The following SLC12A9 variants were observed in gnomAD, a reference collection of about 807,000 sequenced individuals.
SLC12A9 encodes solute carrier family 12 member 9, also known as CCC-interacting protein 1.
SLC12A9 carries 55 observed loss-of-function variants against 66.0 expected under a neutral mutation model. The observed-to-expected ratio is 0.83, with a 90% CI of 0.67 to 1.04. The LOEUF is 1.04. Ranked by LOEUF, SLC12A9 falls within the 50% of genes least tolerant of loss-of-function variation. SLC12A9 has a pLI of 0.00. For synonymous variants in SLC12A9, 577 were observed against 569.0 expected, an observed-to-expected ratio of 1.01 and a Z score of -0.20; for missense variants, 1,061 against 1,241.9, an observed-to-expected ratio of 0.85 and a Z score of 2.19.
At position 100,866,566 on chromosome 7, in the gene SLC12A9, G is replaced by A. The variant is rs371274671; in HGVS notation, c.2706G>A (p.Leu902=). The change falls in exon 14 of 14, where the codon CTG becomes CTA. Residue 902 remains leucine (L), a synonymous_variant. Transcript: ENST00000354161. The surrounding 1 kb of genome is among the most constrained non-coding windows in gnomAD (Gnocchi z 7.3). ...CCCGAGACCTGGGCCCCACGCTGCT[G>A]GTTCATGGGGTCACTCCAGTCACCT... ...TLTRDLGPTL[L]VHGVTPVTCT... 4.3e-5 allele frequency: 68 copies of A among 1,588,534 alleles called. No homozygotes were observed. Among genetic ancestry groups the A allele is most frequent in the Non-Finnish European group, 5.6e-5 (65 of 1,168,728 alleles).
rs953787533 is a variant in SLC12A9 at position 100,826,964 on chromosome 7, C to G, written n.145C>G. ...AGGAGTGACGGGGTGCGCCCCCCCC[C>G]GCAAGGAAACTCACCTTCCAAAGCT... On this transcript the variant is annotated non_coding_transcript_exon_variant, in exon 1 of 2. Coordinates refer to the SLC12A9 transcript ENST00000461016. The G allele has an allele frequency of 1.0e-4, 150 of 1,441,854 alleles. No individual in the cohort carries two copies. The highest frequency in any genetic ancestry group is 3.6e-4 in the Middle Eastern group (2 of 5,580). The allele number at this position is 1,441,854 out of a possible 1,614,324, so 89.3% of individuals were successfully genotyped here. A position where few individuals can be genotyped will look rare whatever the true frequency, so the allele number is the denominator to read the frequency against.
chr7:100,858,866 C>A lies in SLC12A9; in HGVS notation c.789C>A (p.Ala263=), dbSNP rs140425277. 2.5e-6 allele frequency: 4 copies of A among 1,614,058 alleles called. No homozygotes were observed. In the African/African-American group the frequency reaches 4.0e-5, roughly 16 times the overall value. The change falls in exon 6 of 14, where the codon GCC becomes GCA. Residue 263 remains alanine (A), a synonymous_variant. Coordinates refer to ENST00000354161, the MANE Select transcript of SLC12A9 (RefSeq NM_020246.4). The stretch of plus-strand genomic sequence containing the variant: ...ATGCTGAGGACTACACCACGGGAGC[C>A]GTGATGAATTTTGCCAGCGTCTTTG... The part of the protein sequence containing the change: ...AGYAEDYTTG[A]VMNFASVFAV...
intron 1 of SLC12A9, among the ~76,000 whole-genome samples, chr7:100,837,149 C>A (rs1813677400): frequency 6.6e-6 from 1 of 152,248 alleles, no homozygotes; most frequent in East Asian, 1.9e-4. Flanking sequence ...CGCTATGTTG[C>A]CCAGGCTGGT....
intron 1 of SLC12A9, chr7:100,827,175 G>A: frequency 2.6e-6 from 2 of 761,808 alleles, no homozygotes; most frequent in Non-Finnish European, 3.7e-6. Context: ...GCGAGCGTGC[G>A]GGGCACCGGG....
intron 1 of SLC12A9, among the ~76,000 whole-genome samples, chr7:100,839,988 G>A (rs1275577165): frequency 1.3e-5 from 2 of 151,252 alleles, no homozygotes; most frequent in Non-Finnish European, 2.9e-5. Flanking sequence ...CTGCATTTAA[G>A]TGGAAGCGTG....
chr7:100,863,655 T>C (rs1283848191), intron 13 of SLC12A9, among the ~76,000 whole-genome samples: 4 of 152,228 alleles, frequency 2.6e-5, no homozygotes, highest in Non-Finnish European at 5.9e-5. Flanking sequence ...CCGGAGGCTG[T>C]GTGGGGCGGA....
chr7:100,864,548 C>T (rs548040175), intron 13 of SLC12A9, among the ~76,000 whole-genome samples: 49 of 71,808 alleles, frequency 6.8e-4, no homozygotes, highest in Middle Eastern at 9.3e-3. Flanking sequence ...AGCAATTATC[C>T]GATTCCACAA....
chr7:100,831,609 G>C (rs1813544737), intron 1 of SLC12A9, among the ~76,000 whole-genome samples: 1 of 152,162 alleles, frequency 6.6e-6, no homozygotes, highest in Non-Finnish European at 1.5e-5. Context: ...TGAGGAGCTG[G>C]GACCCCGCGC....
intron 1 of SLC12A9, among the ~76,000 whole-genome samples, chr7:100,842,484 C>T (rs914179737): frequency 1.3e-5 from 2 of 152,136 alleles, no homozygotes; most frequent in Non-Finnish European, 2.9e-5. Flanking sequence ...TCGATAAAGA[C>T]CCCAGTGCCA....
Position 100,866,216 on chromosome 7 carries a change from C to T in SLC12A9, c.2356C>T (p.Arg786Trp), listed in dbSNP as rs752537289. 8.2e-6 allele frequency: 13 copies of T among 1,583,276 alleles called. No homozygotes were observed. The highest frequency in any genetic ancestry group is 5.4e-5 in the African/African-American group (4 of 73,626). Reference sequence around the variant, plus strand: ...GCCTGGGGCGGCCGAGGGGCGGCTGCGGGCACTGCTGAGCCAACTGAGGAT... The same window carrying T: ...GCCTGGGGCGGCCGAGGGGCGGCTGTGGGCACTGCTGAGCCAACTGAGGAT... ...EAPGAAEGRL[R>W]ALLSQLRIRA... is the part of the protein sequence containing the mutation. Residue 786 changes from arginine (R) to tryptophan (W), a missense_variant, in exon 14 of 14, where the codon CGG (arginine) becomes TGG (tryptophan). Physicochemically the swap from Arg to Trp is moderately radical, Grantham distance 101. Coordinates refer to ENST00000354161, the MANE Select transcript of SLC12A9 (RefSeq NM_020246.4). The surrounding 1 kb of genome is among the most constrained non-coding windows in gnomAD (Gnocchi z 7.3).
chr7:100,857,165 A>G lies in SLC12A9; in HGVS notation c.746A>G (p.Asp249Gly), dbSNP rs111263123. Residue 249 changes from aspartate (D) to glycine (G), a missense_variant, in exon 5 of 14, where the codon GAC (aspartate) becomes GGC (glycine). Asp to Gly is a moderately conservative substitution (Grantham distance 94). Transcript: ENST00000354161. ...FTGFNSSTLK[D>G]NLGAGYAEDY... The stretch of plus-strand genomic sequence containing the variant: ...GGCTTCAACAGCAGTACCCTGAAGG[A>G]CAACTTGGGCGGTGAGCTGGGTGCT... 1 of 1,610,472 alleles carries G rather than the reference A, an allele frequency of 6.2e-7. No individual in the cohort carries two copies. The highest frequency in any genetic ancestry group is 8.5e-7 in the Non-Finnish European group (1 of 1,177,310).
intron 1 of SLC12A9, among the ~76,000 whole-genome samples, chr7:100,830,346 C>G (rs1165265165): frequency 6.6e-6 from 1 of 152,118 alleles, no homozygotes; most frequent in African/African-American, 2.4e-5. Context: ...GAGTGAAACT[C>G]TGTCTCAAAA....
At chr7:100,846,575 A>G (rs113843768) in intron 1 of SLC12A9, among the ~76,000 whole-genome samples, 1 of 152,152 alleles carries the variant, frequency 6.6e-6, no homozygotes, top group African/African-American at 2.4e-5. Flanking sequence ...TCAAAAAAAA[A>G]AAAAAGCTTC....
intron 1 of SLC12A9, among the ~76,000 whole-genome samples, chr7:100,835,626 G>T (rs1813639356): frequency 6.6e-6 from 1 of 151,894 alleles, no homozygotes; most frequent in African/African-American, 2.4e-5. Context: ...CTCCAGCCTG[G>T]GTGACAGAGC....
intron 1 of SLC12A9, among the ~76,000 whole-genome samples, chr7:100,830,878 T>C (rs573289709): frequency 6.6e-6 from 1 of 152,224 alleles, no homozygotes; most frequent in East Asian, 1.9e-4. Flanking sequence ...TGTGAAGTCA[T>C]GTCCTCCACC....
upstream of SLC12A9, among the ~76,000 whole-genome samples, chr7:100,850,230 CTTCA>C (rs1357738891): frequency 1.4e-5 from 2 of 141,760 alleles, no homozygotes; most frequent in African/African-American, 5.6e-5. Flanking sequence ...TCTTTCCTTC[CTTCA>C]TTCCTTCCTT....
rs1430772245 is a variant in SLC12A9 at position 100,854,287 on chromosome 7, A to C, written c.90A>C (p.Gly30=). 1 of 1,599,348 alleles carries C rather than the reference A, an allele frequency of 6.3e-7. No individual in the cohort carries two copies. Among genetic ancestry groups the C allele is most frequent in the African/African-American group, 1.4e-5 (1 of 73,708 alleles). Reference sequence around the variant, plus strand: ...CTGCCAATGGGGCCGGGGGTCCTGGAGGGGCGTCTGCCCGGAAGCTGTCCA... The same window carrying C: ...CTGCCAATGGGGCCGGGGGTCCTGGCGGGGCGTCTGCCCGGAAGCTGTCCA... ...ALPANGAGGP[G]GASARKLSTF... Residue 30 remains glycine (G), a synonymous_variant, in exon 2 of 14, where the codon GGA becomes GGC. Coordinates refer to ENST00000354161, the MANE Select transcript of SLC12A9 (RefSeq NM_020246.4).
chr7:100,864,771 G>A (rs1814976483), intron 13 of SLC12A9, among the ~76,000 whole-genome samples: 1 of 152,110 alleles, frequency 6.6e-6, no homozygotes, highest in South Asian at 2.1e-4. Context: ...AGTAAAAAGA[G>A]GAGACTAAAT....
rs147566163 is a variant in SLC12A9, at chr7:100,863,285, C to T, written c.1858+458C>T. ...TTCACCATGTTGCCCAGGCCAGTGT[C>T]GAGCTCCTGACCTCAGGTGATCTAC... is the stretch of plus-strand genomic sequence containing the variant. On this transcript the variant is annotated intron_variant, in intron 13 of 13. Coordinates refer to ENST00000354161, the MANE Select transcript of SLC12A9 (RefSeq NM_020246.4). Among the ~76,000 whole-genome samples, 1,299 of 152,138 alleles carry T rather than the reference C, an allele frequency of 8.5e-3. 14 individuals carry two copies. The highest frequency in any genetic ancestry group is 0.03 in the African/African-American group (1,243 of 41,496).
Sources: gnomAD v4.1 joint callset for allele counts (sites outside exome capture counted in the v4.1 genomes callset) on GRCh38, gnomAD v4.1.1 for gene constraint, Gnocchi (gnomAD v3.1) non-coding constraint, MANE v1.5 for transcripts, NCBI Gene and HGNC (gene_info 2026-07-23, HGNC 2026-07-21) for gene names.